The following PITPNB variants were observed in gnomAD, a reference collection of about 807,000 sequenced individuals.
The protein encoded by PITPNB is phosphatidylinositol transfer protein beta isoform.
A neutral mutation model predicts 45.9 loss-of-function variants in PITPNB; 16 were observed. The ratio of observed to expected loss-of-function variants is 0.35; its 90% CI spans 0.24 to 0.53. The LOEUF is 0.53. Ranked by LOEUF, PITPNB falls within the 20% of genes least tolerant of loss-of-function variation. PITPNB has a pLI of 0.93. For missense variants in PITPNB, 188 were observed against 330.5 expected (o/e 0.57, Z 3.34); for synonymous variants, 112 against 108.9 (o/e 1.03, Z -0.18).
intron 8 of PITPNB, among the ~76,000 whole-genome samples, chr22:27,869,831 G>A (rs1044623164): frequency 6.6e-6 from 1 of 152,176 alleles, no homozygotes; most frequent in Non-Finnish European, 1.5e-5. Flanking sequence ...CCATTTTGGA[G>A]ATGTGGAAAT....
chr22:27,910,797 T>C (rs184773839), intron 3 of PITPNB, 167 bp downstream of exon 3: 2 of 569,550 alleles, frequency 3.5e-6, no homozygotes, highest in South Asian at 2.6e-5. Flanking sequence ...ATATAATCCT[T>C]TTCTAATTTA....
chr22:27,897,100 A>C (rs779454046), intron 5 of PITPNB, 30 bp downstream of exon 5: 2 of 1,475,324 alleles, frequency 1.4e-6, no homozygotes, highest in Non-Finnish European at 9.5e-7. Flanking sequence ...AGATAAAGAA[A>C]GTATGAGACA....
chr22:27,863,603 T>C (rs2146353272), intron 8 of PITPNB, among the ~76,000 whole-genome samples: 1 of 152,318 alleles, frequency 6.6e-6, no homozygotes, highest in South Asian at 2.1e-4. Flanking sequence ...GAAAGCTTTC[T>C]TTTACAACTT....
Position 27,853,636 on chromosome 22 carries a change from T to C in PITPNB, c.*66A>G. On this transcript the variant is annotated 3_prime_UTR_variant, in exon 12 of 12. Coordinates refer to ENST00000335272, the MANE Select transcript of PITPNB (RefSeq NM_012399.5). ...CTTCACTCATCACTGGCTGCGCTTG[T>C]TCCCCTCACTTGACCTTGATTACGT... is the stretch of plus-strand genomic sequence containing the variant. 6.4e-7 allele frequency: 1 copy of C among 1,550,922 alleles called. No homozygotes were observed. Among genetic ancestry groups the C allele is most frequent in the Non-Finnish European group, 8.7e-7 (1 of 1,146,890 alleles).
intron 10 of PITPNB, 107 bp downstream of exon 10, chr22:27,858,280 T>A: frequency 1.2e-6 from 1 of 862,536 alleles, no homozygotes; most frequent in Non-Finnish European, 1.8e-6. Flanking sequence ...GAATAGGGAA[T>A]GATTTTTAAC....
intron 1 of PITPNB, among the ~76,000 whole-genome samples, chr22:27,918,027 T>C (rs901482435): frequency 2.6e-5 from 4 of 152,142 alleles, no homozygotes; most frequent in Non-Finnish European, 5.9e-5. Flanking sequence ...ACTGAACTTA[T>C]TCTAGAGTAG....
intron 9 of PITPNB, among the ~76,000 whole-genome samples, chr22:27,859,215 A>G (rs2146347513): frequency 6.6e-6 from 1 of 152,338 alleles, no homozygotes; most frequent in South Asian, 2.1e-4. Flanking sequence ...TATTTATCAG[A>G]ACTGGATTGT....
intron 3 of PITPNB, among the ~76,000 whole-genome samples, chr22:27,898,720 T>C (rs1354500785): frequency 6.6e-6 from 1 of 152,182 alleles, no homozygotes; most frequent in Non-Finnish European, 1.5e-5. Flanking sequence ...TTTGTAGGTA[T>C]GGGAGATGAA....
chr22:27,916,110 A>G lies in PITPNB; in HGVS notation c.21-1763T>C, dbSNP rs184781009. ...CTTCCCTTAAGTTTCACAAAACCAA[A>G]GAATCACTGCTGAGTAATTTTACAC... On this transcript the variant is annotated intron_variant, in intron 1 of 11. Transcript: ENST00000335272. Among the ~76,000 whole-genome samples the G allele has an allele frequency of 1.4e-4, 21 of 152,374 alleles. No individual in the cohort carries two copies. In the East Asian group the frequency reaches 3.9e-3, roughly 28 times the overall value.
rs1062731 is a variant in PITPNB, at chr22:27,852,852, C to A, written c.*850G>T. ...TGTTTGTCTAACAGGAGCCTGAAAA[C>A]TGTCTAGTATTTATTATAAATCAGA... On this transcript the variant is annotated 3_prime_UTR_variant, in exon 12 of 12. Transcript: ENST00000335272. 2.6e-5 allele frequency: 4 copies of A among 152,554 alleles called. No individual in the cohort carries two copies. The South Asian group carries it at 8.3e-4, about 32-fold the overall frequency. The allele number at this position is 152,554 out of a possible 1,614,324, so 9.5% of individuals were successfully genotyped here.
chr22:27,885,996 T>G (rs1429804597), intron 7 of PITPNB, among the ~76,000 whole-genome samples: 4 of 152,172 alleles, frequency 2.6e-5, no homozygotes, highest in African/African-American at 9.7e-5. Flanking sequence ...CTTTTAGAAG[T>G]GATGCCTGGG....
At chr22:27,908,827 T>C (rs142578857) in intron 3 of PITPNB, among the ~76,000 whole-genome samples, 35 of 152,266 alleles carry the variant, frequency 2.3e-4, no homozygotes, top group African/African-American at 7.7e-4. Context: ...TTATGGATAA[T>C]TGATTGATCA....
At chr22:27,885,208 T>C (rs1427872720) in intron 7 of PITPNB, among the ~76,000 whole-genome samples, 33 of 37,334 alleles carry the variant, frequency 8.8e-4, no homozygotes, top group Non-Finnish European at 1.2e-3. Flanking sequence ...TTCAAATTTA[T>C]ACCTAAAAAA....
In PITPNB at chr22:27,854,854, A is replaced by G. The variant is rs1460528226; in HGVS notation, c.*38T>C. The G allele has an allele frequency of 1.3e-6, 2 of 1,600,000 alleles. No individual in the cohort carries two copies. The highest frequency in any genetic ancestry group is 2.7e-5 in the African/African-American group (2 of 74,638). ...TCTTTTTACCCAGGTCTTCACTTAC[A>G]CAGTTTGACATTGTCTCTGACCCTA... On this transcript the variant is annotated splice_region_variant and 3_prime_UTR_variant, in exon 11 of 12. Coordinates refer to ENST00000335272, the MANE Select transcript of PITPNB (RefSeq NM_012399.5).
chr22:27,876,550 C>T (rs1487323474), intron 7 of PITPNB, among the ~76,000 whole-genome samples: 2 of 152,174 alleles, frequency 1.3e-5, no homozygotes, highest in Admixed American at 6.5e-5. Context: ...GTTTAATCAG[C>T]TGAATTAAGT....
At chr22:27,901,798 C>T (rs896031312) in intron 3 of PITPNB, among the ~76,000 whole-genome samples, 4 of 152,014 alleles carry the variant, frequency 2.6e-5, no homozygotes, top group African/African-American at 7.2e-5. Context: ...GCAGGAGAGT[C>T]GCTTGACTCA....
intron 11 of PITPNB, among the ~76,000 whole-genome samples, 184 bp from the exon 12 acceptor site, chr22:27,853,847 T>C (rs1934095506): frequency 2.0e-5 from 3 of 152,124 alleles, no homozygotes. Flanking sequence ...TGCCACAATA[T>C]ATTGTCTCAT....
chr22:27,897,859 G>T lies in PITPNB; in HGVS notation c.231C>A (p.Pro77=). The T allele has an allele frequency of 6.2e-7, 1 of 1,613,786 alleles. No individual in the cohort carries two copies. The highest frequency in any genetic ancestry group is 8.5e-7 in the Non-Finnish European group (1 of 1,179,720). The stretch of plus-strand genomic sequence containing the variant: ...TCTCATGAAACACCAAGGAGCCCTC[G>T]GGAGCAATCATCCTCACGAATGCAG... ...KVPAFVRMIA[P]EGSLVFHEKA... The change falls in exon 4 of 12, where the codon CCC becomes CCA. Residue 77 remains proline (P), a synonymous_variant. Transcript: ENST00000335272.
intron 5 of PITPNB, 184 bp from the exon 6 acceptor site, chr22:27,896,810 T>A (rs1432315689): frequency 1.6e-6 from 1 of 608,624 alleles, no homozygotes; most frequent in Non-Finnish European, 2.9e-6. Context: ...AAATGCTACA[T>A]GCTTTTAAAT....
Sources: allele counts gnomAD v4.1 joint callset (sites outside exome capture counted in the v4.1 genomes callset), GRCh38; gene constraint gnomAD v4.1.1; transcripts MANE v1.5; gene names NCBI Gene and HGNC (gene_info 2026-07-23, HGNC 2026-07-21).